PRKD1: variants seen among roughly 807,000 people sequenced by gnomAD.
PRKD1 encodes the protein serine/threonine-protein kinase D1.
A neutral mutation model predicts 95.9 loss-of-function variants in PRKD1; 63 were observed. The ratio of observed to expected loss-of-function variants is 0.66; its 90% CI spans 0.54 to 0.81. PRKD1 has a LOEUF of 0.81. Among genes scored for constraint, PRKD1 ranks in the 30% least tolerant of loss-of-function variants. The pLI, the probability that PRKD1 is intolerant of heterozygous loss-of-function variation, is 0.00. For synonymous variants in PRKD1, 425 were observed against 423.1 expected (o/e 1.00, Z -0.05); for missense variants, 1,048 against 1,165.3 (o/e 0.90, Z 1.47).
At chr14:29,643,084 A>G (rs1009538114) in intron 4 of PRKD1, among the ~76,000 whole-genome samples, 6 of 152,146 alleles carry the variant, frequency 3.9e-5, no homozygotes, top group African/African-American at 1.4e-4. Context: ...TGCATTTTTT[A>G]AAATTTTATA....
chr14:29,724,143 C>T (rs1886032640), intron 2 of PRKD1, among the ~76,000 whole-genome samples: 1 of 152,158 alleles, frequency 6.6e-6, no homozygotes, highest in South Asian at 2.1e-4. Context: ...CACCCACACA[C>T]AGGTTGCATT....
At chr14:29,761,421 TG>T (rs1887974755) in intron 1 of PRKD1, among the ~76,000 whole-genome samples, 1 of 152,212 alleles carries the variant, frequency 6.6e-6, no homozygotes, top group Admixed American at 6.5e-5. Flanking sequence ...ATTTCATTGT[TG>T]AGACTGTTAA....
intron 1 of PRKD1, among the ~76,000 whole-genome samples, chr14:29,757,154 C>T (rs955277131): frequency 7.9e-5 from 12 of 152,118 alleles, no homozygotes; most frequent in Non-Finnish European, 1.8e-4. Context: ...GTAATGGGAG[C>T]AGCTCTATAC....
intron 1 of PRKD1, among the ~76,000 whole-genome samples, chr14:29,831,842 A>C (rs1891425146): frequency 6.6e-6 from 1 of 152,024 alleles, no homozygotes; most frequent in Admixed American, 6.6e-5. Flanking sequence ...CATATATAGA[A>C]TTATTTTTAT....
At chr14:29,794,030 G>A (rs2139200816) in intron 1 of PRKD1, among the ~76,000 whole-genome samples, 1 of 152,094 alleles carries the variant, frequency 6.6e-6, no homozygotes, top group East Asian at 1.9e-4. Flanking sequence ...TCTCTGCTGT[G>A]CACAATGATT....
intron 2 of PRKD1, among the ~76,000 whole-genome samples, chr14:29,667,808 T>C (rs1013647024): frequency 8.5e-5 from 13 of 152,172 alleles, no homozygotes; most frequent in Non-Finnish European, 1.2e-4. Flanking sequence ...ATAAGCCACA[T>C]TAGAATTTGA....
intron 1 of PRKD1, among the ~76,000 whole-genome samples, chr14:29,807,124 A>G (rs944111925): frequency 1.3e-5 from 2 of 152,100 alleles, no homozygotes; most frequent in Non-Finnish European, 2.9e-5. Context: ...TCAGGGTGAA[A>G]CTGTTCCACC....
chr14:29,919,687 G>C (rs1895016944), intron 1 of PRKD1, among the ~76,000 whole-genome samples: 2 of 147,484 alleles, frequency 1.4e-5, no homozygotes, highest in Admixed American at 1.3e-4. Flanking sequence ...ATGAGGCTGA[G>C]CGCAGTGGCT....
chr14:29,919,439 T>C (rs1297251749), intron 1 of PRKD1, among the ~76,000 whole-genome samples: 2 of 151,782 alleles, frequency 1.3e-5, no homozygotes, highest in African/African-American at 4.9e-5. Flanking sequence ...GATCTGTTTT[T>C]CTAGATGAGA....
chr14:29,692,844 A>G (rs915473787), intron 2 of PRKD1, among the ~76,000 whole-genome samples: 1 of 152,140 alleles, frequency 6.6e-6, no homozygotes, highest in African/African-American at 2.4e-5. Context: ...TTGAGATATA[A>G]CTTGGCCAAA....
chr14:29,650,726 A>G (rs1881441818), intron 4 of PRKD1, among the ~76,000 whole-genome samples: 2 of 152,216 alleles, frequency 1.3e-5, no homozygotes, highest in Non-Finnish European at 2.9e-5. Flanking sequence ...TAAAGCAGTT[A>G]ATCATTAGGT....
Position 29,685,165 on chromosome 14 carries a change from C to A in PRKD1, c.404-18957G>T, listed in dbSNP as rs72677437. Among the ~76,000 whole-genome samples, 1,306 of 152,256 alleles carry A rather than the reference C, an allele frequency of 8.6e-3. 10 individuals are homozygous for A. Among genetic ancestry groups the A allele is most frequent in the Middle Eastern group, 0.024 (7 of 294 alleles). On this transcript the variant is annotated intron_variant, in intron 2 of 17. Transcript: ENST00000331968. ...CATTCAAAGTGCAAAGAGTGGTCCA[C>A]TTGGTAGAAGCTTGACTGCCCTTGG...
chr14:29,610,337 G>C (rs1460142225), intron 13 of PRKD1, among the ~76,000 whole-genome samples: 10 of 151,900 alleles, frequency 6.6e-5, no homozygotes, highest in Non-Finnish European at 1.2e-4. Flanking sequence ...CAAACAGCCA[G>C]ATTAAAAAAA....
chr14:29,923,318 T>G (rs1042712082), intron 1 of PRKD1, among the ~76,000 whole-genome samples: 1 of 151,804 alleles, frequency 6.6e-6, no homozygotes, highest in African/African-American at 2.4e-5. Flanking sequence ...TATAGCCAAT[T>G]ATAAAATTGG....
chr14:29,658,045 T>C (rs1212449251), intron 4 of PRKD1: 1 of 152,206 alleles, frequency 6.6e-6, no homozygotes, highest in Non-Finnish European at 1.5e-5. Context: ...CACATTTGCA[T>C]GCAGAAATGG....
intron 2 of PRKD1, among the ~76,000 whole-genome samples, chr14:29,667,847 A>G (rs1024646648): frequency 6.6e-6 from 1 of 152,060 alleles, no homozygotes; most frequent in East Asian, 1.9e-4. Context: ...GGATTCAGAC[A>G]TTTTTGGAAT....
intron 13 of PRKD1, among the ~76,000 whole-genome samples, chr14:29,608,723 G>A (rs1878204068): frequency 6.6e-6 from 1 of 152,134 alleles, no homozygotes; most frequent in Non-Finnish European, 1.5e-5. Context: ...TCAATTAAGG[G>A]AAAGGCTGTG....
intron 1 of PRKD1, among the ~76,000 whole-genome samples, chr14:29,814,295 G>T (rs749494613): frequency 7.9e-5 from 12 of 152,142 alleles, no homozygotes; most frequent in Admixed American, 4.6e-4. Context: ...ACAACACTGG[G>T]TCAGCATTTG....
At chr14:29,830,599 A>T (rs896371026) in intron 1 of PRKD1, among the ~76,000 whole-genome samples, 1 of 152,176 alleles carries the variant, frequency 6.6e-6, no homozygotes, top group Admixed American at 6.5e-5. Context: ...CTTTTAATCA[A>T]TACATTAAAA....
Sources: gnomAD v4.1 joint callset for allele counts (sites outside exome capture counted in the v4.1 genomes callset) on GRCh38, gnomAD v4.1.1 for gene constraint, MANE v1.5 for transcripts, NCBI Gene and HGNC (gene_info 2026-07-23, HGNC 2026-07-21) for gene names.